The following ZKSCAN5 variants were observed in gnomAD, a reference collection of about 807,000 sequenced individuals.
ZKSCAN5 encodes zinc finger protein with KRAB and SCAN domains 5.
Under a neutral mutation model 60.0 loss-of-function variants are expected in ZKSCAN5, and 28 were observed. The ratio of observed to expected loss-of-function variants is 0.47; its 90% CI spans 0.35 to 0.64. ZKSCAN5 has a LOEUF of 0.64. Among genes scored for constraint, ZKSCAN5 ranks in the 30% least tolerant of loss-of-function variants. The pLI, the probability that ZKSCAN5 is intolerant of heterozygous loss-of-function variation, is 0.01. For synonymous variants in ZKSCAN5, 361 were observed against 371.2 expected (o/e 0.97, Z 0.31); for missense variants, 881 against 1,034.6 (o/e 0.85, Z 2.04).
At chr7:99,520,736 ATGCC>A (rs1185769842) in intron 5 of ZKSCAN5, among the ~76,000 whole-genome samples, 3 of 152,170 alleles carry the variant, frequency 2.0e-5, no homozygotes, top group Non-Finnish European at 4.4e-5. Flanking sequence ...GTGGTAGCTC[ATGCC>A]TGTAATCCCA....
In ZKSCAN5 at chr7:99,512,533, G is replaced by A. The variant is rs748367071; in HGVS notation, c.495G>A (p.Leu165=). The change falls in exon 3 of 7, where the codon CTG becomes CTA. Residue 165 remains leucine, a synonymous_variant. Coordinates refer to ENST00000326775, the MANE Select transcript of ZKSCAN5 (RefSeq NM_145102.4). The part of the protein sequence containing the change: ...AVQESCSPHP[L]TVDTQPEQAP... The stretch of plus-strand genomic sequence containing the variant: ...AGGAGTCCTGCAGCCCCCATCCCCT[G>A]ACCGTGGACACCCAGCCTGAGCAAG... The A allele has an allele frequency of 2.0e-5, 32 of 1,614,130 alleles. No individual in the cohort carries two copies. The East Asian group carries it at 4.9e-4, about 25-fold the overall frequency.
At position 99,506,390 on chromosome 7, in the gene ZKSCAN5, G is replaced by A. The variant is rs756132309; in HGVS notation, c.346G>A (p.Glu116Lys). The A allele has an allele frequency of 1.2e-6, 2 of 1,614,104 alleles. No homozygotes were observed. The highest frequency in any genetic ancestry group is 1.7e-6 in the Non-Finnish European group (2 of 1,180,058). Reference protein sequence around the residue: ...FQPWVREHHPESGEEAVAVIE... With the variant: ...FQPWVREHHPKSGEEAVAVIE... ...GCCCTGGGTGAGGGAACATCACCCT[G>A]AAAGTGGAGAAGAGGCGGTGGCCGT... Residue 116 changes from glutamate to lysine, a missense_variant, in exon 2 of 7, where the codon GAA becomes AAA. Physicochemically the swap from Glu to Lys is moderately conservative, Grantham distance 56 (BLOSUM62 1). This residue lies in a region of ZKSCAN5 where 53 missense variants were observed against 88.7 expected (regional missense o/e 0.60). Transcript: ENST00000326775.
chr7:99,524,781 G>C (rs1801698270), intron 5 of ZKSCAN5, among the ~76,000 whole-genome samples: 1 of 152,134 alleles, frequency 6.6e-6, no homozygotes, highest in African/African-American at 2.4e-5. Context: ...AACCTAGAAA[G>C]ATCACCTTTC....
In ZKSCAN5 at chr7:99,531,436, A is replaced by G. The variant is rs778797998; in HGVS notation, c.1707A>G (p.Arg569=). Reference sequence around the variant, plus strand: ...GTGCACATCTTATTCAACATCAAAGAATACACACTGGGGAGAAACCATTCA... The same window carrying G: ...GTGCACATCTTATTCAACATCAAAGGATACACACTGGGGAGAAACCATTCA... ...IQSAHLIQHQ[R]IHTGEKPFRC... is the part of the protein sequence containing the mutation. Residue 569 remains arginine, a synonymous_variant, in exon 7 of 7, where the codon AGA becomes AGG. Transcript: ENST00000326775. The G allele has an allele frequency of 6.2e-7, 1 of 1,614,100 alleles. No homozygotes were observed. The highest frequency in any genetic ancestry group is 1.3e-5 in the African/African-American group (1 of 74,946).
At position 99,534,676 on chromosome 7, in the gene ZKSCAN5, A is replaced by T. The variant is rs1206128606; in HGVS notation, c.*2427A>T. 1.8e-4 allele frequency: 3 copies of T among 16,618 alleles called. No individual in the cohort carries two copies. The highest frequency in any genetic ancestry group is 4.6e-4 in the Non-Finnish European group (3 of 6,522). The allele number at this position is 16,618 out of a possible 1,614,324, so 1.0% of individuals were successfully genotyped here. On this transcript the variant is annotated 3_prime_UTR_variant, in exon 7 of 7. Coordinates refer to ENST00000326775, the MANE Select transcript of ZKSCAN5 (RefSeq NM_145102.4). ...CCAGTTGACAGAGCGACAGTGTCTA[A>T]AAAAAAAAAAAAAAAAAAAAAAAAC...
intron 6 of ZKSCAN5, among the ~76,000 whole-genome samples, chr7:99,529,244 G>A (rs868811554): frequency 6.6e-6 from 1 of 152,068 alleles, no homozygotes; most frequent in Non-Finnish European, 1.5e-5. Context: ...GGGTTCAGGC[G>A]ATTCTTCTGC....
intron 5 of ZKSCAN5, among the ~76,000 whole-genome samples, chr7:99,521,682 G>A (rs1208228094): frequency 6.6e-6 from 1 of 151,432 alleles, no homozygotes; most frequent in African/African-American, 2.4e-5. Context: ...GCATGCCTCT[G>A]TTCATTAATC....
intron 5 of ZKSCAN5, among the ~76,000 whole-genome samples, chr7:99,524,492 A>G (rs1194115060): frequency 6.6e-6 from 1 of 152,160 alleles, no homozygotes; most frequent in Non-Finnish European, 1.5e-5. Flanking sequence ...GATTACAGGC[A>G]TGAGCCACTG....
At position 99,531,746 on chromosome 7, in the gene ZKSCAN5, T is replaced by C; in HGVS notation, c.2017T>C (p.Tyr673His). 1.2e-6 allele frequency: 2 copies of C among 1,614,130 alleles called. No homozygotes were observed. Among genetic ancestry groups the C allele is most frequent in the Non-Finnish European group, 1.7e-6 (2 of 1,180,022 alleles). ...CRECGEIFFQ[Y>H]VSLIEHQVLH... The stretch of plus-strand genomic sequence containing the variant: ...TGAATGTGGGGAAATCTTTTTTCAG[T>C]ACGTTAGCCTAATTGAACATCAGGT... The change falls in exon 7 of 7, where the codon TAC becomes CAC. Residue 673 changes from tyrosine (Y) to histidine (H), a missense_variant. Tyr to His is a moderately conservative substitution (Grantham distance 83, BLOSUM62 2). Around this residue, in one of 5 missense-constraint regions of ZKSCAN5, gnomAD observed 112 missense variants for 182.4 expected, o/e 0.61. Transcript: ENST00000326775.
chr7:99,510,277 C>T (rs1198197699), intron 2 of ZKSCAN5, among the ~76,000 whole-genome samples: 2 of 146,250 alleles, frequency 1.4e-5, no homozygotes, highest in Non-Finnish European at 3.0e-5. Context: ...TCTGGCTCTG[C>T]CACCCAGGCT....
At chr7:99,508,385 A>G (rs1800863189) in intron 2 of ZKSCAN5, among the ~76,000 whole-genome samples, 1 of 152,112 alleles carries the variant, frequency 6.6e-6, no homozygotes, top group Non-Finnish European at 1.5e-5. Flanking sequence ...ACCACCAACA[A>G]TGTATGAGAG....
In ZKSCAN5 at chr7:99,506,178, C is replaced by T; in HGVS notation, c.134C>T (p.Thr45Met). 6.2e-7 allele frequency: 1 copy of T among 1,614,176 alleles called. No homozygotes were observed. ...TGGATGCAGGAGTACAACCCGCCAA[C>T]GTTTGAGACTTTTTACCAGCGCTTC... ...CTWMQEYNPP[T>M]FETFYQRFRH... is the part of the protein sequence containing the mutation. The change falls in exon 2 of 7, where the codon ACG becomes ATG. Residue 45 changes from threonine to methionine, a missense_variant. By Grantham distance (81) the Thr-to-Met change is moderately conservative. This residue lies in a region of ZKSCAN5 where 88 missense variants were observed against 65.2 expected (regional missense o/e 1.35). Coordinates refer to ENST00000326775, the MANE Select transcript of ZKSCAN5 (RefSeq NM_145102.4).
At position 99,523,901 on chromosome 7, in the gene ZKSCAN5, C is replaced by T. The variant is rs570222612; in HGVS notation, c.773-1912C>T. On this transcript the variant is annotated intron_variant, in intron 5 of 6. Transcript: ENST00000326775. Reference sequence around the variant, plus strand: ...ATCAAAAAAGGATTATGGTAGCTCCCTTAAAGGTCATTGTAAGGATTAAAT... The same window carrying T: ...ATCAAAAAAGGATTATGGTAGCTCCTTTAAAGGTCATTGTAAGGATTAAAT... Among the ~76,000 whole-genome samples, 8 of 152,138 alleles carry T rather than the reference C, an allele frequency of 5.3e-5. No individual in the cohort carries two copies. The East Asian group carries it at 1.3e-3, about 26-fold the overall frequency.
chr7:99,531,238 C>G lies in ZKSCAN5; in HGVS notation c.1509C>G (p.Gly503=), dbSNP rs1382231178. ...NVSQVQDFGE[G]CEFQGKLDRK... ...CTCAAGTTCAAGATTTTGGAGAAGG[C>G]TGTGAGTTTCAAGGCAAGCTGGATA... The change falls in exon 7 of 7, where the codon GGC becomes GGG. Residue 503 remains glycine, a synonymous_variant. Transcript: ENST00000326775. The G allele has an allele frequency of 6.2e-7, 1 of 1,614,100 alleles. No homozygotes were observed. The highest frequency in any genetic ancestry group is 8.5e-7 in the Non-Finnish European group (1 of 1,180,024).
intron 2 of ZKSCAN5, among the ~76,000 whole-genome samples, chr7:99,508,815 C>CTTTCT (rs1434517419): frequency 7.9e-6 from 1 of 126,750 alleles, no homozygotes; most frequent in Non-Finnish European, 1.7e-5. Flanking sequence ...TTCTTTCTTT[C>CTTTCT]TTTTTTTTTT....
chr7:99,518,493 C>A (rs73148823), intron 3 of ZKSCAN5, among the ~76,000 whole-genome samples: 48 of 151,910 alleles, frequency 3.2e-4, no homozygotes, highest in African/African-American at 1.1e-3. Context: ...TCACCCCAGG[C>A]CTTTTGAGTC....
chr7:99,505,943 GTT>G, intron 1 of ZKSCAN5, 60 bp from the exon 2 acceptor site: 42 of 1,358,748 alleles, frequency 3.1e-5, no homozygotes, highest in Non-Finnish European at 4.3e-5. Context: ...ACATCAGTAG[GTT>G]GCATGCTACT....
intron 5 of ZKSCAN5, among the ~76,000 whole-genome samples, chr7:99,521,221 G>A (rs1584190422): frequency 6.6e-6 from 1 of 152,084 alleles, no homozygotes; most frequent in Non-Finnish European, 1.5e-5. Context: ...TTTTTGAGAT[G>A]GAGTCTCACT....
chr7:99,533,448 T>A lies in ZKSCAN5; in HGVS notation c.*1199T>A, dbSNP rs1802141790. 1 of 534,072 alleles carries A rather than the reference T, an allele frequency of 1.9e-6. No homozygotes were observed. Among genetic ancestry groups the A allele is most frequent in the South Asian group, 2.6e-5 (1 of 37,838 alleles). 33.1% of individuals were successfully genotyped at this position (534,072 alleles called of 1,614,324 possible). On this transcript the variant is annotated 3_prime_UTR_variant, in exon 7 of 7. Coordinates refer to ENST00000326775, the MANE Select transcript of ZKSCAN5 (RefSeq NM_145102.4). ...CTTACAATAAATGCCCAATAAATATTTGTTGACCATATGTGTTGTACACTG... is the reference window on the plus strand; with the variant it reads ...CTTACAATAAATGCCCAATAAATATATGTTGACCATATGTGTTGTACACTG...
Sources: gnomAD v4.1 joint callset for allele counts (sites outside exome capture counted in the v4.1 genomes callset) on GRCh38, gnomAD v4.1.1 for gene constraint, gnomAD v4.1.1 regional missense constraint, MANE v1.5 for transcripts, NCBI Gene and HGNC (gene_info 2026-07-23, HGNC 2026-07-21) for gene names.